EZH1: variants seen among roughly 807,000 people sequenced by gnomAD.
EZH1 encodes the protein histone-lysine N-methyltransferase EZH1.
Under a neutral mutation model 100.5 loss-of-function variants are expected in EZH1, and 33 were observed. That is an observed-to-expected ratio of 0.33 (90% CI 0.25 to 0.44). EZH1 has a LOEUF of 0.44. Ranked by LOEUF, EZH1 falls within the 20% of genes least tolerant of loss-of-function variation. The pLI is 1.00. For synonymous variants in EZH1, 272 were observed against 313.8 expected (o/e 0.87, Z 1.41); for missense variants, 475 against 928.4 (o/e 0.51, Z 6.35).
intron 4 of EZH1, among the ~76,000 whole-genome samples, chr17:42,726,025 C>G (rs774053289): frequency 2.0e-5 from 3 of 150,032 alleles, no homozygotes; most frequent in Non-Finnish European, 4.5e-5. Context: ...ATTATAGGTG[C>G]ACGCCACCAC....
chr17:42,734,733 C>T (rs1369580698), intron 1 of EZH1, among the ~76,000 whole-genome samples: 1 of 151,108 alleles, frequency 6.6e-6, no homozygotes, highest in African/African-American at 2.4e-5. Context: ...GTGGCTCACA[C>T]CTGTAATCCC....
At chr17:42,725,449 C>CTT (rs1159484000) in intron 4 of EZH1, among the ~76,000 whole-genome samples, 8 of 143,170 alleles carry the variant, frequency 5.6e-5, no homozygotes, top group Middle Eastern at 3.6e-3. Context: ...GCTAATTTTT[C>CTT]TTTTTTTTTT....
At chr17:42,723,438 T>C (rs2053757166) in intron 5 of EZH1, among the ~76,000 whole-genome samples, 1 of 151,782 alleles carries the variant, frequency 6.6e-6, no homozygotes, top group Non-Finnish European at 1.5e-5. Flanking sequence ...GCTTCTAAGA[T>C]TATGATCTGT....
chr17:42,716,835 A>T (rs1217410834), intron 10 of EZH1, among the ~76,000 whole-genome samples: 1 of 151,942 alleles, frequency 6.6e-6, no homozygotes, highest in Non-Finnish European at 1.5e-5. Flanking sequence ...AGTAGCTGGG[A>T]TTACAGGCGT....
At chr17:42,722,292 G>A (rs1366725175) in intron 6 of EZH1, among the ~76,000 whole-genome samples, 4 of 151,258 alleles carry the variant, frequency 2.6e-5, no homozygotes, top group African/African-American at 9.7e-5. Flanking sequence ...ATTCCAGCCT[G>A]GGTGACTGAG....
intron 2 of EZH1, 57 bp from the exon 3 acceptor site, chr17:42,729,009 C>CAAA: frequency 9.1e-7 from 1 of 1,102,010 alleles, no homozygotes; most frequent in Non-Finnish European, 1.2e-6. Context: ...AAGCATTCCT[C>CAAA]AAATACAAAA....
chr17:42,735,802 A>G (rs954959485), intron 1 of EZH1, among the ~76,000 whole-genome samples: 20 of 152,286 alleles, frequency 1.3e-4, no homozygotes, highest in Non-Finnish European at 7.4e-5. Context: ...CCTGACCAAC[A>G]TTGTGAAACC....
At chr17:42,726,613 G>A (rs2053826340) in intron 4 of EZH1, among the ~76,000 whole-genome samples, 1 of 151,800 alleles carries the variant, frequency 6.6e-6, no homozygotes, top group Non-Finnish European at 1.5e-5. Context: ...CCGGGTTCAA[G>A]CAATTCTCCT....
chr17:42,716,124 CA>C (rs1456785431), intron 10 of EZH1, among the ~76,000 whole-genome samples: 2 of 146,856 alleles, frequency 1.4e-5, no homozygotes, highest in East Asian at 4.0e-4. Flanking sequence ...CAAAACAAAA[CA>C]AAACACAACA....
In EZH1 at chr17:42,702,169, A is replaced by G. The variant is rs932452207; in HGVS notation, c.*363T>C. ...TCTTGATGTGGAAAGCTACAATTAC[A>G]GGCTAGCGCTTGTTGGGAACTGCCT... On this transcript the variant is annotated 3_prime_UTR_variant, in exon 21 of 21. Coordinates refer to ENST00000428826, the MANE Select transcript of EZH1 (RefSeq NM_001991.5). 9.5e-6 allele frequency: 2 copies of G among 210,442 alleles called. No individual in the cohort carries two copies. Among genetic ancestry groups the G allele is most frequent in the Admixed American group, 5.3e-5 (1 of 18,840 alleles). The allele number at this position is 210,442 out of a possible 1,614,324, so 13.0% of individuals were successfully genotyped here.
At chr17:42,744,449 C>G (rs2054239398) in intron 1 of EZH1, among the ~76,000 whole-genome samples, 1 of 152,158 alleles carries the variant, frequency 6.6e-6, no homozygotes, top group South Asian at 2.1e-4. Flanking sequence ...CGTGAGGAGG[C>G]GCTCACTGCA....
intron 1 of EZH1, among the ~76,000 whole-genome samples, chr17:42,733,033 A>C (rs2053983675): frequency 9.7e-5 from 2 of 20,666 alleles, no homozygotes; most frequent in Non-Finnish European, 1.9e-4. Context: ...CCATCTCTAC[A>C]AAAAAAAAAA....
intron 12 of EZH1, among the ~76,000 whole-genome samples, chr17:42,711,464 C>T (rs1310672893): frequency 6.6e-6 from 1 of 150,750 alleles, no homozygotes; most frequent in Non-Finnish European, 1.5e-5. Flanking sequence ...CAGACCGAGA[C>T]TCCATCTCAA....
At chr17:42,734,444 G>A (rs1052985953) in intron 1 of EZH1, among the ~76,000 whole-genome samples, 1 of 151,618 alleles carries the variant, frequency 6.6e-6, no homozygotes, top group Non-Finnish European at 1.5e-5. Flanking sequence ...GTTTCTCCAC[G>A]TATTTGAAAA....
chr17:42,723,021 A>G, intron 5 of EZH1, 106 bp from the exon 6 acceptor site: 3 of 1,444,946 alleles, frequency 2.1e-6, no homozygotes, highest in Non-Finnish European at 2.8e-6. Context: ...GAGTCTCCTG[A>G]AAATGCCTTT....
Position 42,702,526 on chromosome 17 carries a change from G to A in EZH1, c.*6C>T, listed in dbSNP as rs761557539. On this transcript the variant is annotated 3_prime_UTR_variant, in exon 21 of 21. Coordinates refer to ENST00000428826, the MANE Select transcript of EZH1 (RefSeq NM_001991.5). The stretch of plus-strand genomic sequence containing the variant: ...ACCATAAGTGCTGCCGTGGGGCCTG[G>A]GAGGGCTAAAGGACGTCGGTCTCCC... 1 of 1,556,634 alleles carries A rather than the reference G, an allele frequency of 6.4e-7. No homozygotes were observed. The highest frequency in any genetic ancestry group is 1.2e-5 in the South Asian group (1 of 84,682).
At chr17:42,726,212 T>C (rs1597851645) in intron 4 of EZH1, among the ~76,000 whole-genome samples, 4 of 122,970 alleles carry the variant, frequency 3.3e-5, no homozygotes, top group African/African-American at 9.5e-5. Flanking sequence ...AGAGACAGTC[T>C]CTTTTTTTTT....
intron 20 of EZH1, 54 bp downstream of exon 20, chr17:42,702,823 G>A (rs769851261): frequency 6.3e-7 from 1 of 1,577,338 alleles, no homozygotes; most frequent in African/African-American, 1.3e-5. Context: ...TATTCCAACA[G>A]CCACTCTTTC....
chr17:42,738,812 T>G (rs2054119306), intron 1 of EZH1, among the ~76,000 whole-genome samples: 1 of 141,082 alleles, frequency 7.1e-6, no homozygotes, highest in Non-Finnish European at 1.5e-5. Flanking sequence ...CAGGCTGGAG[T>G]GCAGTGGTGC....
Sources: gnomAD v4.1 joint callset for allele counts (sites outside exome capture counted in the v4.1 genomes callset) on GRCh38, gnomAD v4.1.1 for gene constraint, MANE v1.5 for transcripts, NCBI Gene and HGNC (gene_info 2026-07-23, HGNC 2026-07-21) for gene names.